JARID2: variants seen among roughly 807,000 people sequenced by gnomAD.
JARID2 encodes the protein protein Jumonji.
A neutral mutation model predicts 125.6 loss-of-function variants in JARID2; 21 were observed. The observed-to-expected ratio is 0.17, with a 90% CI of 0.12 to 0.24. The LOEUF is 0.24. Among genes scored for constraint, JARID2 ranks in the 10% least tolerant of loss-of-function variants. The pLI, the probability that JARID2 is intolerant of heterozygous loss-of-function variation, is 1.00. For missense variants in JARID2, 1,303 were observed against 1,639.6 expected (o/e 0.79, Z 3.55); for synonymous variants, 736 against 661.6 (o/e 1.11, Z -1.73).
chr6:15,438,070 A>T (rs1767288864), intron 3 of JARID2, among the ~76,000 whole-genome samples: 1 of 152,014 alleles, frequency 6.6e-6, no homozygotes, highest in African/African-American at 2.4e-5. Flanking sequence ...CTGCTTTTTG[A>T]TGGTATTTTG....
rs368499255 is a variant in JARID2 at position 15,466,106 on chromosome 6, A to G, written c.494-2436A>G. 2.8e-4 allele frequency among the ~76,000 whole-genome samples: 43 copies of G among 152,228 alleles called. No homozygotes were observed. In the East Asian group the frequency reaches 7.4e-3, roughly 26 times the overall value. On this transcript the variant is annotated intron_variant, in intron 4 of 17. Transcript: ENST00000341776. ...GGCGTGAGCCACCACGCCCAGCCTT[A>G]TTGCTGTATTTTTATATTGCTCTCA...
At chr6:15,406,739 A>G (rs182287394) in intron 2 of JARID2, among the ~76,000 whole-genome samples, 27 of 152,262 alleles carry the variant, frequency 1.8e-4, no homozygotes, top group African/African-American at 5.5e-4. Flanking sequence ...TCATGTGTAA[A>G]ATCTCTTCAT....
At chr6:15,411,065 G>A (rs1561844060) in intron 3 of JARID2, among the ~76,000 whole-genome samples, 1 of 152,082 alleles carries the variant, frequency 6.6e-6, no homozygotes, top group Admixed American at 6.5e-5. Flanking sequence ...TACCTGATAT[G>A]TTACTTCCTT....
chr6:15,420,327 C>T (rs984155331), intron 3 of JARID2, among the ~76,000 whole-genome samples: 1 of 151,190 alleles, frequency 6.6e-6, no homozygotes, highest in Non-Finnish European at 1.5e-5. Context: ...TGCTTGAACC[C>T]AGGAGGCGGA....
chr6:15,508,889 A>G, intron 12 of JARID2: 1 of 1,089,846 alleles, frequency 9.2e-7, no homozygotes, highest in Non-Finnish European at 1.2e-6. Flanking sequence ...AAAGCTAACC[A>G]GTAGTAGTGA....
Position 15,374,102 on chromosome 6 carries a change from C to G in JARID2, c.46-15C>G, listed in dbSNP as rs112534874. The G allele has an allele frequency of 2.2e-3, 3,467 of 1,611,042 alleles. 65 individuals are homozygous for G. The African/African-American group carries it at 0.038, about 18-fold the overall frequency. ...TTCTATTCAGTAACTCCTCTCTTTT[C>G]TTATGTTTCTTCAGGATGACAGTGA... On this transcript the variant is annotated splice_polypyrimidine_tract_variant and intron_variant, in intron 1 of 17. Transcript: ENST00000341776.
intron 5 of JARID2, among the ~76,000 whole-genome samples, chr6:15,473,514 G>GCCCCCCCCCCCC (rs3841758): frequency 2.3e-4 from 8 of 35,068 alleles, no homozygotes; most frequent in East Asian, 6.7e-4. Flanking sequence ...TGATGTGCGT[G>GCCCCCCCCCCCC]CCCCCCCCCC....
At chr6:15,354,447 A>G (rs1171490274) in intron 1 of JARID2, among the ~76,000 whole-genome samples, 2 of 152,244 alleles carry the variant, frequency 1.3e-5, no homozygotes, top group Non-Finnish European at 1.5e-5. Context: ...TGTTAACAGC[A>G]GCAACAGGAA....
rs1001248981 is a variant in JARID2 at position 15,521,414 on chromosome 6, T to TG, written c.*1169dup. 9.6e-6 allele frequency: 1 copy of TG among 103,758 alleles called. No homozygotes were observed. The highest frequency in any genetic ancestry group is 2.0e-5 in the Non-Finnish European group (1 of 50,616). The allele number at this position is 103,758 out of a possible 1,614,324, so 6.4% of individuals were successfully genotyped here. A position where few individuals can be genotyped will look rare whatever the true frequency, so the allele number is the denominator to read the frequency against. On this transcript the variant is annotated 3_prime_UTR_variant, in exon 18 of 18. Coordinates refer to ENST00000341776, the MANE Select transcript of JARID2 (RefSeq NM_004973.4). ...TTAAATACTTGAGCCTTTTTCTCGG[T>TG]GGGGGGTGGGGAGGGGGGTGAGAAG...
intron 4 of JARID2, among the ~76,000 whole-genome samples, chr6:15,455,912 G>A (rs931411054): frequency 1.3e-5 from 2 of 152,140 alleles, no homozygotes; most frequent in Admixed American, 6.5e-5. Flanking sequence ...AATTGCTGTC[G>A]GCATTTTGCT....
At chr6:15,396,975 G>T (rs958341382) in intron 2 of JARID2, among the ~76,000 whole-genome samples, 3 of 152,174 alleles carry the variant, frequency 2.0e-5, no homozygotes, top group Non-Finnish European at 4.4e-5. Flanking sequence ...TTGTTGACAT[G>T]TTAGCTATCG....
At chr6:15,374,838 G>A (rs2127517005) in intron 2 of JARID2, among the ~76,000 whole-genome samples, 1 of 152,328 alleles carries the variant, frequency 6.6e-6, no homozygotes, top group Middle Eastern at 3.4e-3. Flanking sequence ...TGGTGCAGAT[G>A]AAGTCATCCA....
chr6:15,414,696 G>T (rs955742438), intron 3 of JARID2, among the ~76,000 whole-genome samples: 21 of 152,230 alleles, frequency 1.4e-4, no homozygotes, highest in Non-Finnish European at 2.2e-4. Flanking sequence ...GACCCTGAAG[G>T]CTGAGTCTTG....
rs968787213 is a variant in JARID2 at position 15,487,217 on chromosome 6, G to A, written c.671-90G>A. 107 of 1,026,938 alleles carry A rather than the reference G, an allele frequency of 1.0e-4. No individual in the cohort carries two copies. The African/African-American group carries it at 1.5e-3, about 15-fold the overall frequency. The allele number at this position is 1,026,938 out of a possible 1,614,324, so 63.6% of individuals were successfully genotyped here. On this transcript the variant is annotated intron_variant, in intron 5 of 17. Coordinates refer to ENST00000341776, the MANE Select transcript of JARID2 (RefSeq NM_004973.4). ...GGGATTACAGTTGGACATGAGATTT[G>A]GGTGGGGACACAGAGCCAAACCATA...
Position 15,501,364 on chromosome 6 carries a change from G to C in JARID2, c.2403G>C (p.Glu801Asp), listed in dbSNP as rs1260179972. The change falls in exon 8 of 18, where the codon GAG (glutamate) becomes GAC (aspartate). Residue 801 changes from glutamate to aspartate, a missense_variant. Glu to Asp is a conservative substitution (Grantham distance 45, BLOSUM62 2). Around this residue, in one of 11 missense-constraint regions of JARID2, gnomAD observed 124 missense variants for 131.0 expected, o/e 0.95. Transcript: ENST00000341776. ...AQEKEVVKEE[E>D]EDKGVLNDFH... ...AAAAAGAAGTGGTCAAGGAAGAGGAGGAGGACAAAGGCGTCCTCAATGACT... is the reference window on the plus strand; with the variant it reads ...AAAAAGAAGTGGTCAAGGAAGAGGACGAGGACAAAGGCGTCCTCAATGACT... The C allele has an allele frequency of 2.5e-6, 4 of 1,574,796 alleles. No individual in the cohort carries two copies. The South Asian group carries it at 3.5e-5, about 14-fold the overall frequency.
intron 5 of JARID2, among the ~76,000 whole-genome samples, chr6:15,477,901 G>A (rs1769424615): frequency 6.6e-6 from 1 of 152,222 alleles, no homozygotes; most frequent in Non-Finnish European, 1.5e-5. Context: ...GGGGCACGAT[G>A]AGGACTGTCA....
At chr6:15,300,108 C>T (rs1761551383) in intron 1 of JARID2, among the ~76,000 whole-genome samples, 1 of 152,088 alleles carries the variant, frequency 6.6e-6, no homozygotes, top group Non-Finnish European at 1.5e-5. Flanking sequence ...TAAGAAGAAA[C>T]CTCTGATTTA....
intron 4 of JARID2, among the ~76,000 whole-genome samples, chr6:15,456,988 C>G (rs1032832008): frequency 5.5e-5 from 8 of 146,372 alleles, no homozygotes; most frequent in African/African-American, 2.0e-4. Context: ...AAAATAGCAT[C>G]TCCACCATCT....
Position 15,501,262 on chromosome 6 carries a change from G to A in JARID2, c.2301G>A (p.Arg767=), listed in dbSNP as rs1282968249. ...GGCTCATCCACGGCGTGGCCCCCAG[G>A]AACGGCTTCCGCAGCAAGCTCAAGG... ...KNGLIHGVAP[R]NGFRSKLKEV... is the part of the protein sequence containing the mutation. Residue 767 remains arginine (R), a synonymous_variant, in exon 8 of 18, where the codon AGG becomes AGA. Transcript: ENST00000341776. The A allele has an allele frequency of 6.2e-7, 1 of 1,613,562 alleles. No homozygotes were observed. Among genetic ancestry groups the A allele is most frequent in the Non-Finnish European group, 8.5e-7 (1 of 1,179,766 alleles).
Sources: gnomAD v4.1 joint callset for allele counts (sites outside exome capture counted in the v4.1 genomes callset) on GRCh38, gnomAD v4.1.1 for gene constraint, gnomAD v4.1.1 regional missense constraint, MANE v1.5 for transcripts, NCBI Gene and HGNC (gene_info 2026-07-23, HGNC 2026-07-21) for gene names.